Variants in LTBP2 observed in about 807,000 individuals in gnomAD.
LTBP2 encodes the protein latent transforming growth factor beta binding protein 2.
A neutral mutation model predicts 210.6 loss-of-function variants in LTBP2; 103 were observed. That is an observed-to-expected ratio of 0.49 (90% CI 0.42 to 0.58). The LOEUF (loss-of-function observed/expected upper bound fraction) is 0.58, where lower values mean the gene tolerates loss of function less well. Ranked by LOEUF, LTBP2 falls within the 20% of genes least tolerant of loss-of-function variation. The pLI is 0.00. For missense variants in LTBP2, 2,313 were observed against 2,494.5 expected, an observed-to-expected ratio of 0.93 and a Z score of 1.55; for synonymous variants, 1,007 against 1,015.0, an observed-to-expected ratio of 0.99 and a Z score of 0.15.
intron 15 of LTBP2, among the ~76,000 whole-genome samples, chr14:74,523,144 T>C (rs2087230083): frequency 6.6e-6 from 1 of 151,684 alleles, no homozygotes; most frequent in Non-Finnish European, 1.5e-5. Flanking sequence ...TAGTAGGGCA[T>C]CCCCCTCACC....
chr14:74,599,989 CA>C (rs2088421965), intron 2 of LTBP2, among the ~76,000 whole-genome samples: 2 of 152,212 alleles, frequency 1.3e-5, no homozygotes, highest in Admixed American at 1.3e-4. Flanking sequence ...GAATCATGAA[CA>C]TTCCCCAACA....
In LTBP2 at chr14:74,585,871, T is replaced by G. The variant is rs1461457728; in HGVS notation, c.813A>C (p.Pro271=). ...QPPAPQSPPA[P]QSPPAGTLSG... ...GGACTTACCCAGCTGGTGGCGACTG[T>G]GGTGCGGGCGGCGACTGTGGTGCTG... Residue 271 remains proline (P), a synonymous_variant, in exon 3 of 36, where the codon CCA becomes CCC. Coordinates refer to ENST00000261978, the MANE Select transcript of LTBP2 (RefSeq NM_000428.3). 6.2e-7 allele frequency: 1 copy of G among 1,613,238 alleles called. No individual in the cohort carries two copies. The highest frequency in any genetic ancestry group is 1.1e-5 in the South Asian group (1 of 91,076).
intron 3 of LTBP2, among the ~76,000 whole-genome samples, chr14:74,564,728 T>C (rs904022138): frequency 1.1e-4 from 16 of 152,112 alleles, no homozygotes; most frequent in Non-Finnish European, 1.8e-4. Flanking sequence ...CCATGTTCTG[T>C]GCCAATAACG....
Position 74,516,739 on chromosome 14 carries a change from G to A in LTBP2, c.2908+83C>T, listed in dbSNP as rs993870175. 5.9e-6 allele frequency: 9 copies of A among 1,524,928 alleles called. No homozygotes were observed. In the African/African-American group the frequency reaches 9.6e-5, roughly 16 times the overall value. The allele number at this position is 1,524,928 out of a possible 1,614,324, so 94.5% of individuals were successfully genotyped here. ...GGGCCAGGGCAGAGACAAGCCAGAAGGCGTGTTGGTGGTGGGCAGTGCGTA... is the reference window on the plus strand; with the variant it reads ...GGGCCAGGGCAGAGACAAGCCAGAAAGCGTGTTGGTGGTGGGCAGTGCGTA... On this transcript the variant is annotated intron_variant, in intron 18 of 35. Coordinates refer to ENST00000261978, the MANE Select transcript of LTBP2 (RefSeq NM_000428.3).
intron 25 of LTBP2, 59 bp downstream of exon 25, chr14:74,507,914 G>A: frequency 6.2e-7 from 1 of 1,608,110 alleles, no homozygotes; most frequent in Admixed American, 1.7e-5. Flanking sequence ...TAAGGACCAG[G>A]CAGTGTAGAG....
chr14:74,508,514 C>A, intron 24 of LTBP2, 90 bp downstream of exon 24: 1 of 1,541,102 alleles, frequency 6.5e-7, no homozygotes, highest in Non-Finnish European at 8.7e-7. Flanking sequence ...CTAGTCTTAG[C>A]CTGTAGCGCC....
At chr14:74,509,101 A>C in intron 22 of LTBP2, 137 bp downstream of exon 22, 3 of 1,572,438 alleles carry the variant, frequency 1.9e-6, no homozygotes, top group Non-Finnish European at 2.6e-6. Flanking sequence ...CAGCTGGGAC[A>C]AGCTTGTGAG....
intron 9 of LTBP2, among the ~76,000 whole-genome samples, chr14:74,534,890 G>T (rs2087399457): frequency 6.6e-6 from 1 of 152,064 alleles, no homozygotes; most frequent in Non-Finnish European, 1.5e-5. Context: ...GAATCTTGGG[G>T]CTCAGTAGAG....
chr14:74,511,084 C>T (rs749148324), intron 19 of LTBP2, among the ~76,000 whole-genome samples, 161 bp downstream of exon 19: 3 of 152,210 alleles, frequency 2.0e-5, no homozygotes, highest in Non-Finnish European at 4.4e-5. Context: ...AGAGCCCTGG[C>T]GACTCATGCC....
At chr14:74,517,582 A>G (rs2087152459) in intron 17 of LTBP2, among the ~76,000 whole-genome samples, 1 of 152,144 alleles carries the variant, frequency 6.6e-6, no homozygotes, top group Non-Finnish European at 1.5e-5. Context: ...TATGTTGACC[A>G]GGCTGGTCTT....
At chr14:74,553,091 G>C in intron 4 of LTBP2, 29 bp from the exon 5 acceptor site, 2 of 1,611,456 alleles carry the variant, frequency 1.2e-6, no homozygotes, top group African/African-American at 2.7e-5. Context: ...GGTCCAGGGG[G>C]CAGGGCTGAG....
In LTBP2 at chr14:74,498,258, T is replaced by C. The variant is rs1199499511; in HGVS notation, c.*2626A>G. ...AAATTCAAAAAAATACAAAAGGAGA[T>C]ACAGTGAAAAGTCTCCCAATCCTGT... is the stretch of plus-strand genomic sequence containing the variant. On this transcript the variant is annotated 3_prime_UTR_variant, in exon 36 of 36. Coordinates refer to ENST00000261978, the MANE Select transcript of LTBP2 (RefSeq NM_000428.3). The C allele has an allele frequency of 5.5e-5, 10 of 182,106 alleles. No homozygotes were observed. The allele number at this position is 182,106 out of a possible 1,614,324, so 11.3% of individuals were successfully genotyped here.
At chr14:74,581,353 A>C (rs1004478138) in intron 3 of LTBP2, among the ~76,000 whole-genome samples, 9 of 152,148 alleles carry the variant, frequency 5.9e-5, no homozygotes, top group African/African-American at 2.2e-4. Context: ...GTTGACCTTA[A>C]AATAGAGAGA....
At chr14:74,501,290 A>G (rs1181776687) in intron 35 of LTBP2, 151 bp downstream of exon 35, 18 of 1,288,384 alleles carry the variant, frequency 1.4e-5, no homozygotes, top group South Asian at 4.8e-5. Context: ...TAAAGCACAT[A>G]ATTAAACCTT....
At chr14:74,520,345 C>T (rs933368455) in intron 17 of LTBP2, among the ~76,000 whole-genome samples, 2 of 152,234 alleles carry the variant, frequency 1.3e-5, no homozygotes, top group Non-Finnish European at 2.9e-5. Context: ...AGCTCTGTCA[C>T]CACTAGGTTT....
chr14:74,521,307 T>C (rs983590714), intron 17 of LTBP2, among the ~76,000 whole-genome samples: 1 of 152,236 alleles, frequency 6.6e-6, no homozygotes, highest in African/African-American at 2.4e-5. Context: ...TGCTGCATTA[T>C]ATTATTTGTG....
chr14:74,604,164 CAAAAA>C (rs59313477), intron 1 of LTBP2, among the ~76,000 whole-genome samples: 18 of 72,740 alleles, frequency 2.5e-4, no homozygotes, highest in African/African-American at 1.2e-3. Context: ...TGCCTCTCAC[CAAAAA>C]AAAAAAAAAA....
chr14:74,521,234 G>A (rs1332609563), intron 17 of LTBP2, among the ~76,000 whole-genome samples: 1 of 152,202 alleles, frequency 6.6e-6, no homozygotes, highest in East Asian at 1.9e-4. Flanking sequence ...AGCACAGGCA[G>A]GGTCCCTCTT....
intron 8 of LTBP2, among the ~76,000 whole-genome samples, chr14:74,542,910 C>A (rs944532724): frequency 6.6e-6 from 1 of 151,842 alleles, no homozygotes; most frequent in African/African-American, 2.4e-5. Context: ...AGGATTACAG[C>A]CACGCGCTGC....
Sources: gnomAD v4.1 joint callset for allele counts (sites outside exome capture counted in the v4.1 genomes callset) on GRCh38, gnomAD v4.1.1 for gene constraint, MANE v1.5 for transcripts, NCBI Gene and HGNC (gene_info 2026-07-23, HGNC 2026-07-21) for gene names.